Variants in TMEM60 observed in about 807,000 individuals in gnomAD.
The protein encoded by TMEM60 is transmembrane protein 60, also known as chromosome 7 open reading frame 35.
In TMEM60, 4 loss-of-function variants were observed where a neutral mutation model predicts 10.7. That is an observed-to-expected ratio of 0.37 (90% CI 0.18 to 0.86). The LOEUF (loss-of-function observed/expected upper bound fraction) is 0.86, where lower values mean the gene tolerates loss of function less well. Among genes scored for constraint, TMEM60 ranks in the 40% least tolerant of loss-of-function variants. The pLI, the probability that TMEM60 is intolerant of heterozygous loss-of-function variation, is 0.43. For missense variants in TMEM60, 128 were observed against 153.4 expected (o/e 0.83, Z 0.88); for synonymous variants, 56 against 58.1 (o/e 0.96, Z 0.17).
chr7:77,796,713 T>C (rs1792172833), intron 1 of TMEM60, among the ~76,000 whole-genome samples: 1 of 152,038 alleles, frequency 6.6e-6, no homozygotes, highest in South Asian at 2.1e-4. Flanking sequence ...GTGCTAGGGA[T>C]AGGAACAAAA....
At chr7:77,795,375 A>C (rs1359149260) in intron 1 of TMEM60, among the ~76,000 whole-genome samples, 1 of 152,028 alleles carries the variant, frequency 6.6e-6, no homozygotes, top group Non-Finnish European at 1.5e-5. Context: ...CAAAAAATTT[A>C]GGTGCAGTAG....
rs768407376 is a variant in TMEM60, at chr7:77,794,092, G to A, written c.282C>T (p.Leu94=). 3 of 1,614,166 alleles carry A rather than the reference G, an allele frequency of 1.9e-6. No homozygotes were observed. Among genetic ancestry groups the A allele is most frequent in the Non-Finnish European group, 2.5e-6 (3 of 1,180,030 alleles). The change falls in exon 2 of 2, where the codon CTC becomes CTT. Residue 94 remains leucine (L), a synonymous_variant. Transcript: ENST00000257663. The part of the protein sequence containing the change: ...MLLKLAFCLA[L]CAKLEQFTTM... The stretch of plus-strand genomic sequence containing the variant: ...TAGTAAACTGTTCCAGTTTAGCACA[G>A]AGTGCGAGGCAGAAGGCTAATTTAA...
At chr7:77,796,759 C>T (rs772083392) in intron 1 of TMEM60, among the ~76,000 whole-genome samples, 1 of 152,178 alleles carries the variant, frequency 6.6e-6, no homozygotes, top group Non-Finnish European at 1.5e-5. Flanking sequence ...AGGAAGATAA[C>T]AGGGAAAAGG....
chr7:77,796,383 T>C (rs527476277), intron 1 of TMEM60, among the ~76,000 whole-genome samples: 2 of 152,244 alleles, frequency 1.3e-5, no homozygotes, highest in African/African-American at 2.4e-5. Flanking sequence ...TATAGGTTTA[T>C]GATATGTTCC....
Position 77,794,097 on chromosome 7 carries a change from C to T in TMEM60, c.277G>A (p.Ala93Thr), listed in dbSNP as rs140695705. The T allele has an allele frequency of 5.8e-5, 93 of 1,613,918 alleles. No individual in the cohort carries two copies. In the African/African-American group the frequency reaches 9.5e-4, roughly 16 times the overall value. Residue 93 changes from alanine (A) to threonine (T), a missense_variant, in exon 2 of 2, where the codon GCA (alanine) becomes ACA (threonine). Transcript: ENST00000257663. ...AMLLKLAFCL[A>T]LCAKLEQFTT... ...AACTGTTCCAGTTTAGCACAGAGTG[C>T]GAGGCAGAAGGCTAATTTAAGTAAC...
chr7:77,795,708 T>G (rs1002589054), intron 1 of TMEM60, among the ~76,000 whole-genome samples: 5 of 152,246 alleles, frequency 3.3e-5, no homozygotes, highest in African/African-American at 1.2e-4. Context: ...GGTGTATATA[T>G]GTATTTTTTT....
chr7:77,795,833 GATCT>G (rs1792162136), intron 1 of TMEM60, among the ~76,000 whole-genome samples: 1 of 151,906 alleles, frequency 6.6e-6, no homozygotes, highest in South Asian at 2.1e-4. Flanking sequence ...CTGCCTCATT[GATCT>G]ATATGTTTCT....
At position 77,794,155 on chromosome 7, in the gene TMEM60, A is replaced by G. The variant is rs778756696; in HGVS notation, c.219T>C (p.Asn73=). 6 of 1,612,904 alleles carry G rather than the reference A, an allele frequency of 3.7e-6. No homozygotes were observed. Among genetic ancestry groups the G allele is most frequent in the Non-Finnish European group, 5.1e-6 (6 of 1,179,774 alleles). Residue 73 remains asparagine (N), a synonymous_variant, in exon 2 of 2, where the codon AAT becomes AAC. Transcript: ENST00000257663. ...SGFDPRHGSH[N]IKKKAWYLIA... ...TGAGGTACCAGGCTTTTTTTTTAAT[A>G]TTGTGTGATCCATGTCGAGGGTCAA...
chr7:77,794,702 CACTT>C (rs1220901653), intron 1 of TMEM60, among the ~76,000 whole-genome samples: 1 of 152,178 alleles, frequency 6.6e-6, no homozygotes, highest in Non-Finnish European at 1.5e-5. Flanking sequence ...CGAGTCCAGG[CACTT>C]ACAACTTTAT....
chr7:77,794,171 C>G lies in TMEM60; in HGVS notation c.203G>C (p.Arg68Pro), dbSNP rs779804125. 1 of 1,612,708 alleles carries G rather than the reference C, an allele frequency of 6.2e-7. No individual in the cohort carries two copies. The highest frequency in any genetic ancestry group is 2.2e-5 in the East Asian group (1 of 44,832). The change falls in exon 2 of 2, where the codon CGA (arginine) becomes CCA (proline). Residue 68 changes from arginine to proline, a missense_variant. Arg to Pro is a moderately radical substitution (Grantham distance 103). Transcript: ENST00000257663. Reference protein sequence around the residue: ...AGRCKSGFDPRHGSHNIKKKA... With the variant: ...AGRCKSGFDPPHGSHNIKKKA... Reference sequence around the variant, plus strand: ...TTTTTTAATATTGTGTGATCCATGTCGAGGGTCAAAGCCAGACTTACACCG... The same window carrying G: ...TTTTTTAATATTGTGTGATCCATGTGGAGGGTCAAAGCCAGACTTACACCG...
chr7:77,797,951 G>A (rs1284854131), intron 1 of TMEM60, among the ~76,000 whole-genome samples: 2 of 152,206 alleles, frequency 1.3e-5, no homozygotes, highest in Non-Finnish European at 2.9e-5. Context: ...TAGCTCATCT[G>A]GGGGCCTATT....
intron 1 of TMEM60, among the ~76,000 whole-genome samples, chr7:77,797,125 T>A (rs762487334): frequency 6.6e-5 from 10 of 152,164 alleles, no homozygotes; most frequent in Non-Finnish European, 1.3e-4. Flanking sequence ...TGGAGGGGTG[T>A]GTGTTGATTA....
intron 1 of TMEM60, among the ~76,000 whole-genome samples, chr7:77,797,948 T>C (rs1007941783): frequency 6.6e-6 from 1 of 152,130 alleles, no homozygotes; most frequent in Admixed American, 6.5e-5. Context: ...ACTTAGCTCA[T>C]CTGGGGGCCT....
chr7:77,797,246 C>A (rs1792193718), intron 1 of TMEM60, among the ~76,000 whole-genome samples: 1 of 152,210 alleles, frequency 6.6e-6, no homozygotes. Context: ...CTTGCTTAAA[C>A]CTAACTGTTC....
In TMEM60 at chr7:77,794,043, T is replaced by G. The variant is rs755294653; in HGVS notation, c.331A>C (p.Ile111Leu). The change falls in exon 2 of 2, where the codon ATT (isoleucine) becomes CTT (leucine). Residue 111 changes from isoleucine to leucine, a missense_variant. Physicochemically the swap from Ile to Leu is conservative, Grantham distance 5. Coordinates refer to ENST00000257663, the MANE Select transcript of TMEM60 (RefSeq NM_032936.4). ...FTTMNLSYVF[I>L]PLWALLAGAL... ...CCAGCCAGCAAGGCCCATAAAGGAATGAAGACATAGGATAGATTCATGGTA... is the reference window on the plus strand; with the variant it reads ...CCAGCCAGCAAGGCCCATAAAGGAAGGAAGACATAGGATAGATTCATGGTA... The G allele has an allele frequency of 2.5e-6, 4 of 1,609,986 alleles. No individual in the cohort carries two copies. In the Admixed American group the frequency reaches 6.8e-5, roughly 27 times the overall value.
At chr7:77,797,472 T>C (rs1792202658) in intron 1 of TMEM60, among the ~76,000 whole-genome samples, 1 of 152,184 alleles carries the variant, frequency 6.6e-6, no homozygotes, top group African/African-American at 2.4e-5. Context: ...ATTGAAGGAT[T>C]GTACGCCTGT....
chr7:77,797,604 ATG>A (rs1319139017), intron 1 of TMEM60, among the ~76,000 whole-genome samples: 1 of 152,206 alleles, frequency 6.6e-6, no homozygotes, highest in African/African-American at 2.4e-5. Context: ...TACTCCAAAA[ATG>A]TGCTCAACTA....
rs1792141566 is a variant in TMEM60, at chr7:77,794,020, A to G, written c.354T>C (p.Ala118=). 2 of 1,598,374 alleles carry G rather than the reference A, an allele frequency of 1.3e-6. No homozygotes were observed. Among genetic ancestry groups the G allele is most frequent in the Admixed American group, 1.8e-5 (1 of 55,562 alleles). Residue 118 remains alanine (A), a synonymous_variant, in exon 2 of 2, where the codon GCT becomes GCC. Coordinates refer to ENST00000257663, the MANE Select transcript of TMEM60 (RefSeq NM_032936.4). ...TATATCCGAGTTCTGTTAAAGCCCCAGCCAGCAAGGCCCATAAAGGAATGA... is the reference window on the plus strand; with the variant it reads ...TATATCCGAGTTCTGTTAAAGCCCCGGCCAGCAAGGCCCATAAAGGAATGA... ...YVFIPLWALL[A]GALTELGYNV...
At chr7:77,795,685 C>T (rs1431402067) in intron 1 of TMEM60, among the ~76,000 whole-genome samples, 1 of 152,126 alleles carries the variant, frequency 6.6e-6, no homozygotes, top group Non-Finnish European at 1.5e-5. Context: ...TAACAATAGT[C>T]TCACTGATTG....
Sources: allele counts gnomAD v4.1 joint callset (sites outside exome capture counted in the v4.1 genomes callset), GRCh38; gene constraint gnomAD v4.1.1; transcripts MANE v1.5; gene names NCBI Gene and HGNC (gene_info 2026-07-23, HGNC 2026-07-21).